The following TENM2 variants were observed in gnomAD, a reference collection of about 807,000 sequenced individuals.
The protein encoded by TENM2 is teneurin-2.
Under a neutral mutation model 245.2 loss-of-function variants are expected in TENM2, and 52 were observed. The observed-to-expected ratio is 0.21, with a 90% CI of 0.17 to 0.27. The LOEUF (loss-of-function observed/expected upper bound fraction) is 0.27, where lower values mean the gene tolerates loss of function less well. TENM2 is among the 10% of genes least tolerant of loss of function. The pLI, the probability that TENM2 is intolerant of heterozygous loss-of-function variation, is 1.00. For missense variants in TENM2, 3,046 were observed against 3,666.8 expected, an observed-to-expected ratio of 0.83 and a Z score of 4.37; for synonymous variants, 1,363 against 1,438.9, an observed-to-expected ratio of 0.95 and a Z score of 1.19.
At chr5:167,853,465 G>A (rs1293293303) in intron 2 of TENM2, among the ~76,000 whole-genome samples, 1 of 151,908 alleles carries the variant, frequency 6.6e-6, no homozygotes, top group Non-Finnish European at 1.5e-5. Context: ...GAGCTTACAG[G>A]GGTGAGACAT....
the TENM2 span, among the ~76,000 whole-genome samples, chr5:166,989,278 T>TTTTTA: frequency 7.7e-6 from 1 of 129,444 alleles, no homozygotes; most frequent in African/African-American, 2.7e-5. Context: ...TTTTTTTTTT[T>TTTTTA]GAGATGGAGT....
Position 168,222,917 on chromosome 5 carries a change from T to TTGGCACATCACAGG in TENM2, c.5109-3169_5109-3168insGCACATCACAGGTG, listed in dbSNP as rs536627938. Among the ~76,000 whole-genome samples, 24 of 152,344 alleles carry TTGGCACATCACAGG rather than the reference T, an allele frequency of 1.6e-4. No individual in the cohort carries two copies. The South Asian group carries it at 5.0e-3, about 32-fold the overall frequency. ...ACTGTGTTTGGCACATCACAGGTGC[T>TTGGCACATCACAGG]TGATGAATATTTATTGACTACATAA... On this transcript the variant is annotated intron_variant, in intron 23 of 28. Coordinates refer to ENST00000518659, the Ensembl canonical transcript of TENM2.
intron 3 of TENM2, among the ~76,000 whole-genome samples, chr5:167,944,539 C>T (rs1333166765): frequency 2.0e-5 from 3 of 152,020 alleles, no homozygotes; most frequent in African/African-American, 7.2e-5. Context: ...CTTTGACTGG[C>T]TCTGATGGAG....
intron 2 of TENM2, among the ~76,000 whole-genome samples, chr5:167,741,420 G>A (rs551267743): frequency 1.3e-5 from 2 of 152,200 alleles, no homozygotes; most frequent in Admixed American, 1.3e-4. Flanking sequence ...AAATGGCCTT[G>A]TTGGTTCAGG....
chr5:168,233,703 C>CTGA (rs1269597893), intron 25 of TENM2, among the ~76,000 whole-genome samples: 1 of 152,136 alleles, frequency 6.6e-6, no homozygotes, highest in East Asian at 1.9e-4. Context: ...TTTCACGCTG[C>CTGA]TGATAAAGAC....
chr5:168,080,420 G>C (rs11747819), intron 7 of TENM2, among the ~76,000 whole-genome samples: 61,125 of 151,884 alleles, frequency 0.4, 13,083 homozygotes, highest in Non-Finnish European at 0.44. Flanking sequence ...TTTTTTGTGT[G>C]TCTATCTCCT....
intron 2 of TENM2, among the ~76,000 whole-genome samples, chr5:167,669,992 A>G (rs910020224): frequency 2.6e-5 from 4 of 152,152 alleles, no homozygotes; most frequent in African/African-American, 9.7e-5. Context: ...AAATGCAATC[A>G]GGTTTAGCTC....
At chr5:168,190,492 T>C in exon 14 of TENM2, 1 of 1,613,982 alleles carries the variant, frequency 6.2e-7, no homozygotes, top group Middle Eastern at 1.6e-4. Flanking sequence ...TATCAAGCTC[T>C]TGGCAGGCAA....
At chr5:167,692,450 C>T (rs1323935508) in intron 2 of TENM2, among the ~76,000 whole-genome samples, 1 of 152,140 alleles carries the variant, frequency 6.6e-6, no homozygotes, top group African/African-American at 2.4e-5. Flanking sequence ...TTTTAATTAA[C>T]ATCTCAGGCA....
intron 2 of TENM2, among the ~76,000 whole-genome samples, chr5:167,773,316 T>C (rs1763526461): frequency 6.6e-6 from 1 of 152,228 alleles, no homozygotes. Flanking sequence ...CCTGTATCCA[T>C]CCTAGCAAAA....
intron 2 of TENM2, among the ~76,000 whole-genome samples, chr5:167,801,083 T>G: frequency 8.3e-6 from 1 of 120,150 alleles, no homozygotes; most frequent in Non-Finnish European, 1.6e-5. Context: ...ATACTTTGAA[T>G]GTATTTGAAA....
At chr5:167,413,318 T>C (rs540398947) in intron 2 of TENM2, among the ~76,000 whole-genome samples, 4 of 152,118 alleles carry the variant, frequency 2.6e-5, no homozygotes, top group Admixed American at 2.6e-4. Flanking sequence ...TGAAATACGA[T>C]GTATTCAATT....
Position 167,690,970 on chromosome 5 carries a change from T to G in TENM2, c.503-185016T>G, listed in dbSNP as rs201041599. Among the ~76,000 whole-genome samples, 21 of 142,280 alleles carry G rather than the reference T, an allele frequency of 1.5e-4. No homozygotes were observed. In the East Asian group the frequency reaches 2.4e-3, roughly 16 times the overall value. 93.3% of individuals were successfully genotyped at this position (142,280 alleles called of 152,430 possible). ...GTGTGTGTGTGTGTGTGTGTGTGTGTAGAGAGAGAGAGGAATATAAGCAAT... is the reference window on the plus strand; with the variant it reads ...GTGTGTGTGTGTGTGTGTGTGTGTGGAGAGAGAGAGAGGAATATAAGCAAT... On this transcript the variant is annotated intron_variant, in intron 2 of 28. Coordinates refer to ENST00000518659, the Ensembl canonical transcript of TENM2.
the TENM2 span, among the ~76,000 whole-genome samples, chr5:167,120,475 G>A: frequency 5.9e-5 from 9 of 152,306 alleles, no homozygotes; most frequent in African/African-American, 2.2e-4. Flanking sequence ...TCCTCAAAAT[G>A]TTGGAAAATC....
the TENM2 span, among the ~76,000 whole-genome samples, chr5:167,146,521 A>C: frequency 2.0e-5 from 3 of 152,102 alleles, no homozygotes; most frequent in African/African-American, 7.2e-5. Context: ...TACTCTGCGG[A>C]GTGGAAATGA....
At chr5:167,105,070 A>C in the TENM2 span, among the ~76,000 whole-genome samples, 5 of 152,352 alleles carry the variant, frequency 3.3e-5, no homozygotes, top group Admixed American at 2.6e-4. Flanking sequence ...AACAATGGAG[A>C]AAATGTGTTT....
At chr5:167,699,318 C>T (rs1237908236) in intron 2 of TENM2, among the ~76,000 whole-genome samples, 1 of 151,912 alleles carries the variant, frequency 6.6e-6, no homozygotes, top group Non-Finnish European at 1.5e-5. Context: ...ATAATTTGAT[C>T]CATCAGCAAA....
At chr5:168,084,459 G>A (rs1792272891) in intron 7 of TENM2, among the ~76,000 whole-genome samples, 1 of 152,210 alleles carries the variant, frequency 6.6e-6, no homozygotes, top group Admixed American at 6.5e-5. Context: ...TGACTTGTGT[G>A]AGATAGTATC....
chr5:168,135,600 A>G (rs777048878), intron 12 of TENM2, among the ~76,000 whole-genome samples: 2 of 152,210 alleles, frequency 1.3e-5, no homozygotes, highest in Non-Finnish European at 2.9e-5. Flanking sequence ...GTAATAAAGA[A>G]CCCACACAAA....
Sources: allele counts gnomAD v4.1 joint callset (sites outside exome capture counted in the v4.1 genomes callset), GRCh38; gene constraint gnomAD v4.1.1; transcripts MANE v1.5; gene names NCBI Gene and HGNC (gene_info 2026-07-23, HGNC 2026-07-21).